NBEAL1: variants seen among roughly 807,000 people sequenced by gnomAD.
NBEAL1 encodes the protein neurobeachin-like protein 1.
In NBEAL1, 273 loss-of-function variants were observed where a neutral mutation model predicts 351.3. That is an observed-to-expected ratio of 0.78 (90% CI 0.70 to 0.86). The LOEUF is 0.86. Among genes scored for constraint, NBEAL1 ranks in the 40% least tolerant of loss-of-function variants. NBEAL1 has a pLI of 0.00. For synonymous variants in NBEAL1, 1,050 were observed against 1,086.4 expected (o/e 0.97, Z 0.66); for missense variants, 2,961 against 3,201.3 (o/e 0.92, Z 1.81).
At chr2:203,124,878 C>A (rs923623014) in intron 19 of NBEAL1, among the ~76,000 whole-genome samples, 4 of 152,154 alleles carry the variant, frequency 2.6e-5, no homozygotes, top group Non-Finnish European at 4.4e-5. Flanking sequence ...TATTAAGCTA[C>A]CCAAAATATC....
At chr2:203,083,174 C>A in intron 8 of NBEAL1, 45 bp from the exon 9 acceptor site, 1 of 1,460,824 alleles carries the variant, frequency 6.8e-7, no homozygotes, top group African/African-American at 1.4e-5. Flanking sequence ...ACATACACAA[C>A]TTCATTAGGT....
chr2:203,026,942 T>A (rs1049184865), intron 2 of NBEAL1, among the ~76,000 whole-genome samples: 9 of 152,228 alleles, frequency 5.9e-5, no homozygotes, highest in Non-Finnish European at 1.3e-4. Context: ...TAGGTCAAAG[T>A]TTAATGCCTT....
rs745358331 is a variant in NBEAL1 at position 203,208,629 on chromosome 2, A to G, written c.7507-8A>G. 28 of 1,591,748 alleles carry G rather than the reference A, an allele frequency of 1.8e-5. No homozygotes were observed. The highest frequency in any genetic ancestry group is 2.0e-5 in the Non-Finnish European group (23 of 1,165,456). ...ACCTTTACCTTTGCTTTTCTCTTGTATTATTAGGGAGGTGTTCCTGTGGGC... is the reference window on the plus strand; with the variant it reads ...ACCTTTACCTTTGCTTTTCTCTTGTGTTATTAGGGAGGTGTTCCTGTGGGC... On this transcript the variant is annotated splice_polypyrimidine_tract_variant and splice_region_variant and intron_variant, in intron 51 of 55. Coordinates refer to ENST00000683969, the MANE Select transcript of NBEAL1 (RefSeq NM_001378026.1).
intron 24 of NBEAL1, among the ~76,000 whole-genome samples, chr2:203,128,712 C>G (rs1383440787): frequency 9.9e-5 from 15 of 151,740 alleles, no homozygotes; most frequent in Non-Finnish European, 1.8e-4. Flanking sequence ...ATTCTCCTGC[C>G]TCAGCCTCCC....
chr2:203,188,185 G>A (rs552499828), intron 44 of NBEAL1, among the ~76,000 whole-genome samples: 98 of 151,486 alleles, frequency 6.5e-4, no homozygotes, highest in African/African-American at 2.2e-3. Context: ...TAGCTCTTTT[G>A]CTGTTGTTTT....
At chr2:203,192,073 G>T (rs1198788943) in intron 46 of NBEAL1, among the ~76,000 whole-genome samples, 1 of 152,128 alleles carries the variant, frequency 6.6e-6, no homozygotes, top group Non-Finnish European at 1.5e-5. Flanking sequence ...TACAGTAATT[G>T]GGCTAAGCTT....
chr2:203,138,581 T>C (rs1445871653), intron 30 of NBEAL1, 39 bp from the exon 31 acceptor site: 1 of 1,548,224 alleles, frequency 6.5e-7, no homozygotes, highest in South Asian at 1.2e-5. Flanking sequence ...ATTGAAAAAC[T>C]GAATGTTTTT....
intron 7 of NBEAL1, among the ~76,000 whole-genome samples, chr2:203,076,076 A>G (rs139127544): frequency 7.4e-4 from 113 of 152,326 alleles, no homozygotes; most frequent in African/African-American, 2.3e-3. Flanking sequence ...GAAAGGGGAA[A>G]AGCATAGCAG....
chr2:203,177,008 G>A (rs1219162181), intron 42 of NBEAL1, among the ~76,000 whole-genome samples: 1 of 151,698 alleles, frequency 6.6e-6, no homozygotes, highest in Non-Finnish European at 1.5e-5. Flanking sequence ...AAAGTTAGTC[G>A]GGTGTGGTGG....
chr2:203,165,521 G>C (rs1559029381), intron 36 of NBEAL1, among the ~76,000 whole-genome samples: 1 of 152,110 alleles, frequency 6.6e-6, no homozygotes. Context: ...AAAATGACAT[G>C]ACCAATATTG....
chr2:203,060,794 A>G (rs1450415408), intron 6 of NBEAL1, among the ~76,000 whole-genome samples: 1 of 152,202 alleles, frequency 6.6e-6, no homozygotes, highest in East Asian at 1.9e-4. Context: ...CAATTTACCA[A>G]CATTTATAGA....
Position 203,167,319 on chromosome 2 carries a change from C to T in NBEAL1, c.5956C>T (p.His1986Tyr). 1 of 1,612,532 alleles carries T rather than the reference C, an allele frequency of 6.2e-7. No homozygotes were observed. Among genetic ancestry groups the T allele is most frequent in the East Asian group, 2.2e-5 (1 of 44,744 alleles). ...AAGAAGATCAGCCCTTGAGATTTTT[C>T]ATGTTGACCAATCCAACTACTTTCT... ...NLRRSALEIF[H>Y]VDQSNYFLNF... Residue 1986 changes from histidine (H) to tyrosine (Y), a missense_variant, in exon 38 of 56, where the codon CAT (histidine) becomes TAT (tyrosine). His to Tyr is a moderately conservative substitution (Grantham distance 83, BLOSUM62 2). Coordinates refer to ENST00000683969, the MANE Select transcript of NBEAL1 (RefSeq NM_001378026.1).
chr2:203,033,492 G>A (rs999787909), intron 2 of NBEAL1, among the ~76,000 whole-genome samples: 1 of 152,172 alleles, frequency 6.6e-6, no homozygotes, highest in Non-Finnish European at 1.5e-5. Context: ...ACTTTTAATT[G>A]AGAATCTGGA....
Position 203,126,695 on chromosome 2 carries a change from G to A in NBEAL1, c.3124G>A (p.Gly1042Arg), listed in dbSNP as rs748882217. The A allele has an allele frequency of 4.0e-6, 6 of 1,510,592 alleles. No homozygotes were observed. Among genetic ancestry groups the A allele is most frequent in the Non-Finnish European group, 5.3e-6 (6 of 1,129,742 alleles). The allele number at this position is 1,510,592 out of a possible 1,614,324, so 93.6% of individuals were successfully genotyped here. A position where few individuals can be genotyped will look rare whatever the true frequency, so the allele number is the denominator to read the frequency against. ...LLFDFRIWNR[G>R]DFPFRIGHIQ... ...CTTTGACTTTCGTATTTGGAACCGT[G>A]GAGATTTTCCCTTTCGAATCGGTGA... Residue 1042 changes from glycine (G) to arginine (R), a missense_variant, in exon 22 of 56, where the codon GGA (glycine) becomes AGA (arginine). Physicochemically the swap from Gly to Arg is moderately radical, Grantham distance 125 (BLOSUM62 -2). Transcript: ENST00000683969.
chr2:203,073,326 A>G (rs2061712641), intron 7 of NBEAL1, among the ~76,000 whole-genome samples: 1 of 152,222 alleles, frequency 6.6e-6, no homozygotes, highest in African/African-American at 2.4e-5. Context: ...TTTTCATCAC[A>G]TGAATTGTGT....
intron 2 of NBEAL1, among the ~76,000 whole-genome samples, chr2:203,032,790 G>A (rs1388135663): frequency 7.3e-6 from 1 of 136,398 alleles, no homozygotes; most frequent in African/African-American, 2.7e-5. Flanking sequence ...TCAGCCTCCC[G>A]AGTAGCTGGG....
At chr2:203,031,402 A>G (rs1272673824) in intron 2 of NBEAL1, among the ~76,000 whole-genome samples, 1 of 152,222 alleles carries the variant, frequency 6.6e-6, no homozygotes, top group Non-Finnish European at 1.5e-5. Context: ...TTCTTTGTAT[A>G]CAATTTCATT....
rs75599442 is a variant in NBEAL1, at chr2:203,038,174, A to G, written c.52-3591A>G. 2.0e-5 allele frequency among the ~76,000 whole-genome samples: 3 copies of G among 149,454 alleles called. No individual in the cohort carries two copies. The East Asian group carries it at 5.8e-4, about 29-fold the overall frequency. On this transcript the variant is annotated intron_variant, in intron 2 of 55. Coordinates refer to ENST00000683969, the MANE Select transcript of NBEAL1 (RefSeq NM_001378026.1). ...GAATTTTTGTTTTCAGCTTTGGGCT[A>G]TTATAAACAAAGTTTCCATAAACAT...
chr2:203,077,683 T>G (rs1479831579), intron 7 of NBEAL1, 69 bp from the exon 8 acceptor site: 1 of 929,138 alleles, frequency 1.1e-6, no homozygotes, highest in Non-Finnish European at 1.5e-6. Context: ...GCATCAGACA[T>G]TCCTTAGAGA....
Sources: gnomAD v4.1 joint callset for allele counts (sites outside exome capture counted in the v4.1 genomes callset) on GRCh38, gnomAD v4.1.1 for gene constraint, MANE v1.5 for transcripts, NCBI Gene and HGNC (gene_info 2026-07-23, HGNC 2026-07-21) for gene names.